The following ARHGAP26 variants were observed in gnomAD, a reference collection of about 807,000 sequenced individuals.
ARHGAP26 encodes Rho GTPase activating protein 26, also known as rho GTPase-activating protein 26.
A neutral mutation model predicts 104.8 loss-of-function variants in ARHGAP26; 38 were observed. The ratio of observed to expected loss-of-function variants is 0.36; its 90% CI spans 0.28 to 0.48. The LOEUF is 0.48. Among genes scored for constraint, ARHGAP26 ranks in the 20% least tolerant of loss-of-function variants. ARHGAP26 has a pLI of 0.99. For synonymous variants in ARHGAP26, 341 were observed against 340.0 expected (o/e 1.00, Z -0.03); for missense variants, 704 against 947.9 (o/e 0.74, Z 3.38).
intron 11 of ARHGAP26, among the ~76,000 whole-genome samples, chr5:143,006,101 C>T (rs1777913700): frequency 6.6e-6 from 1 of 152,160 alleles, no homozygotes; most frequent in African/African-American, 2.4e-5. Flanking sequence ...TTTTGATAGC[C>T]TTGAGTTAAG....
At chr5:143,077,585 C>A (rs58956055) in intron 17 of ARHGAP26, among the ~76,000 whole-genome samples, 2 of 152,120 alleles carry the variant, frequency 1.3e-5, no homozygotes, top group African/African-American at 4.8e-5. Flanking sequence ...AAAGGCTCAC[C>A]GTAGATGACT....
At chr5:143,031,397 A>G (rs919290925) in intron 12 of ARHGAP26, among the ~76,000 whole-genome samples, 2 of 152,192 alleles carry the variant, frequency 1.3e-5, no homozygotes, top group Non-Finnish European at 2.9e-5. Flanking sequence ...CTGGCAACAG[A>G]TGATTGAGGT....
rs547772036 is a variant in ARHGAP26 at position 143,065,076 on chromosome 5, G to A, written c.1538+7329G>A. On this transcript the variant is annotated intron_variant, in intron 17 of 22. Coordinates refer to ENST00000645722, the MANE Select transcript of ARHGAP26 (RefSeq NM_001135608.3). ...AATCCCCTCCCAAATTAAGGGAGGA[G>A]TGGGAGGAAGACACTCTGTTTTTCT... 2.7e-3 allele frequency among the ~76,000 whole-genome samples: 415 copies of A among 152,276 alleles called. 2 individuals carry two copies. The highest frequency in any genetic ancestry group is 3.6e-3 in the Non-Finnish European group (244 of 68,026).
chr5:143,120,168 T>C (rs776036796), intron 17 of ARHGAP26, among the ~76,000 whole-genome samples: 42 of 152,196 alleles, frequency 2.8e-4, no homozygotes, highest in Non-Finnish European at 5.4e-4. Context: ...ATTTATATGT[T>C]TTTATACATG....
chr5:143,214,870 T>G (rs1264285873), intron 22 of ARHGAP26, among the ~76,000 whole-genome samples: 1 of 152,262 alleles, frequency 6.6e-6, no homozygotes, highest in Non-Finnish European at 1.5e-5. Context: ...CTGCATTCCC[T>G]TTTATCGTTC....
chr5:143,219,550 G>A (rs1233220210), intron 22 of ARHGAP26, among the ~76,000 whole-genome samples: 1 of 152,216 alleles, frequency 6.6e-6, no homozygotes, highest in African/African-American at 2.4e-5. Flanking sequence ...GGAGGAGGGA[G>A]CAGGTAGAAG....
chr5:142,885,526 C>A, intron 5 of ARHGAP26, 127 bp downstream of exon 5: 1 of 715,346 alleles, frequency 1.4e-6, no homozygotes, highest in South Asian at 1.9e-5. Flanking sequence ...GGAGATTGCT[C>A]CTGATCCCTC....
rs577632419 is a variant in ARHGAP26 at position 142,961,141 on chromosome 5, A to G, written c.1107+29016A>G. On this transcript the variant is annotated intron_variant, in intron 11 of 22. Coordinates refer to ENST00000645722, the MANE Select transcript of ARHGAP26 (RefSeq NM_001135608.3). ...TATCTAACCCACCTTTGTCTCTTCC[A>G]TGTCTAGATCAGAGCCAGGCACACA... 5.3e-5 allele frequency among the ~76,000 whole-genome samples: 8 copies of G among 152,154 alleles called. No homozygotes were observed. The South Asian group carries it at 1.4e-3, about 28-fold the overall frequency.
intron 1 of ARHGAP26, among the ~76,000 whole-genome samples, chr5:142,784,958 G>T (rs1275731519): frequency 3.5e-5 from 4 of 115,808 alleles, no homozygotes; most frequent in South Asian, 2.6e-4. Context: ...ATGGAGTCTT[G>T]CTCTGTTGTC....
At chr5:142,869,478 C>T (rs954630667) in intron 1 of ARHGAP26, among the ~76,000 whole-genome samples, 2 of 152,146 alleles carry the variant, frequency 1.3e-5, no homozygotes, top group East Asian at 1.9e-4. Context: ...CTTGGCCTCC[C>T]GGAACTGTAA....
At chr5:142,878,306 G>A (rs183389720) in intron 3 of ARHGAP26, among the ~76,000 whole-genome samples, 50 of 152,328 alleles carry the variant, frequency 3.3e-4, no homozygotes, top group African/African-American at 1.1e-3. Context: ...GAATCTTAGC[G>A]ATGGACAATT....
intron 16 of ARHGAP26, among the ~76,000 whole-genome samples, chr5:143,056,693 T>C (rs930037186): frequency 6.6e-6 from 1 of 152,178 alleles, no homozygotes; most frequent in Non-Finnish European, 1.5e-5. Flanking sequence ...TCAGGCCTCT[T>C]GTAAAGGGGC....
intron 1 of ARHGAP26, among the ~76,000 whole-genome samples, chr5:142,831,100 C>T (rs558809820): frequency 2.8e-4 from 43 of 152,318 alleles, no homozygotes; most frequent in African/African-American, 1.0e-3. Flanking sequence ...CACATAGGTC[C>T]TCAGCCTGTT....
At chr5:142,882,487 G>A (rs1233158345) in intron 4 of ARHGAP26, among the ~76,000 whole-genome samples, 1 of 152,242 alleles carries the variant, frequency 6.6e-6, no homozygotes, top group African/African-American at 2.4e-5. Context: ...CAAGGCAGGC[G>A]TGGTTGCTGT....
chr5:143,105,378 A>AAAATAAATAAAT (rs34365485), intron 17 of ARHGAP26, among the ~76,000 whole-genome samples: 2,066 of 140,418 alleles, frequency 0.015, 19 homozygotes, highest in Middle Eastern at 0.022. Flanking sequence ...CTCCATCTCA[A>AAAATAAATAAAT]AAATAAATAA....
chr5:143,087,076 G>GC (rs1353676361), intron 17 of ARHGAP26, among the ~76,000 whole-genome samples: 2 of 152,240 alleles, frequency 1.3e-5, no homozygotes, highest in Non-Finnish European at 2.9e-5. Flanking sequence ...ACTCATGTGT[G>GC]TTATCAGGGG....
At chr5:143,155,376 A>G (rs544204905) in intron 20 of ARHGAP26, among the ~76,000 whole-genome samples, 3 of 152,156 alleles carry the variant, frequency 2.0e-5, no homozygotes, top group South Asian at 2.1e-4. Context: ...GAGTGGCTTC[A>G]TGTCCACTTT....
intron 11 of ARHGAP26, among the ~76,000 whole-genome samples, chr5:142,958,908 AAAAAAAAAAAAG>A (rs1468201891): frequency 7.8e-4 from 82 of 104,714 alleles, no homozygotes; most frequent in South Asian, 1.2e-3. Context: ...GTCTCTTAAA[AAAAAAAAAAAAG>A]AAAAAAAAAA....
At chr5:142,882,962 C>T (rs1447664519) in intron 4 of ARHGAP26, among the ~76,000 whole-genome samples, 1 of 152,172 alleles carries the variant, frequency 6.6e-6, no homozygotes, top group Non-Finnish European at 1.5e-5. Flanking sequence ...GACTTAACTA[C>T]CCCACAGTAG....
Sources: allele counts gnomAD v4.1 joint callset (sites outside exome capture counted in the v4.1 genomes callset), GRCh38; gene constraint gnomAD v4.1.1; transcripts MANE v1.5; gene names NCBI Gene and HGNC (gene_info 2026-07-23, HGNC 2026-07-21).